SLC16A2: variants seen among roughly 807,000 people sequenced by gnomAD.
SLC16A2 encodes solute carrier family 16 member 2.
SLC16A2 carries 3 observed loss-of-function variants against 27.2 expected under a neutral mutation model. That is an observed-to-expected ratio of 0.11 (90% CI 0.05 to 0.28). SLC16A2 has a LOEUF of 0.28. Among genes scored for constraint, SLC16A2 ranks in the 10% least tolerant of loss-of-function variants. The pLI is 1.00. For synonymous variants in SLC16A2, 202 were observed against 187.8 expected (o/e 1.08, Z -0.62); for missense variants, 295 against 458.5 (o/e 0.64, Z 3.26).
At chrX:74,511,856 G>T (rs1464791070) in intron 1 of SLC16A2, among the ~76,000 whole-genome samples, 1 of 111,592 alleles carries the variant, frequency 9.0e-6, no homozygotes, top group Non-Finnish European at 1.9e-5. Flanking sequence ...CTTAACTCTG[G>T]GCCCTGCACA....
At chrX:74,440,544 G>C (rs1269841365) in intron 1 of SLC16A2, among the ~76,000 whole-genome samples, 1 of 35,450 alleles carries the variant, frequency 2.8e-5, no homozygotes, top group Non-Finnish European at 5.4e-5. Context: ...TTTTTTTTTT[G>C]CTGCTGTACA....
intron 1 of SLC16A2, among the ~76,000 whole-genome samples, chrX:74,438,850 T>C (rs1461204305): frequency 2.7e-5 from 3 of 112,146 alleles, no homozygotes; most frequent in Non-Finnish European, 1.9e-5. Context: ...AAATTCAAGC[T>C]GCAGTATGTG....
chrX:74,463,503 G>A (rs1198727993), intron 1 of SLC16A2, among the ~76,000 whole-genome samples: 1 of 111,320 alleles, frequency 9.0e-6, no homozygotes, highest in Non-Finnish European at 1.9e-5. Context: ...ACAATAAACT[G>A]CACATATTTA....
At chrX:74,490,108 G>A (rs754880232) in intron 1 of SLC16A2, among the ~76,000 whole-genome samples, 14 of 109,130 alleles carry the variant, frequency 1.3e-4, no homozygotes, top group African/African-American at 4.7e-4. Flanking sequence ...AGTAGTGGTT[G>A]TTATCTCAGT....
At chrX:74,512,523 C>T (rs900442880) in intron 1 of SLC16A2, among the ~76,000 whole-genome samples, 8 of 112,061 alleles carry the variant, frequency 7.1e-5, no homozygotes, top group South Asian at 3.8e-4. Context: ...ACCGTCATTC[C>T]CTCATTTGAG....
chrX:74,423,605 G>C (rs1461789009), intron 1 of SLC16A2, among the ~76,000 whole-genome samples: 1 of 111,856 alleles, frequency 8.9e-6, no homozygotes, highest in East Asian at 2.8e-4. Flanking sequence ...TGACTACCCA[G>C]GCCCACTGTG....
chrX:74,438,918 C>T (rs192657704), intron 1 of SLC16A2, among the ~76,000 whole-genome samples: 3 of 111,913 alleles, frequency 2.7e-5, no homozygotes, highest in East Asian at 2.8e-4. Flanking sequence ...AATAGCACTA[C>T]GACTCTAGCC....
intron 1 of SLC16A2, among the ~76,000 whole-genome samples, chrX:74,515,869 G>C (rs1294663908): frequency 9.0e-6 from 1 of 111,602 alleles, no homozygotes; most frequent in Non-Finnish European, 1.9e-5. Flanking sequence ...GGAAAACTAA[G>C]AGAATTTGTC....
chrX:74,426,260 G>A (rs1296015584), intron 1 of SLC16A2, among the ~76,000 whole-genome samples: 2 of 112,097 alleles, frequency 1.8e-5, no homozygotes, highest in Middle Eastern at 4.2e-3. Flanking sequence ...TTGGCTTAGC[G>A]CCTGCTGTGG....
intron 1 of SLC16A2, among the ~76,000 whole-genome samples, chrX:74,425,834 G>C (rs184756590): frequency 8.9e-5 from 10 of 111,938 alleles, no homozygotes; most frequent in Admixed American, 6.6e-4. Context: ...AATATGGAAG[G>C]CATTTTTGTT....
At chrX:74,475,238 G>A (rs1929447188) in intron 1 of SLC16A2, among the ~76,000 whole-genome samples, 1 of 110,197 alleles carries the variant, frequency 9.1e-6, no homozygotes. Flanking sequence ...CAGTGATGAT[G>A]AGCATTTTTT....
At chrX:74,441,229 T>C (rs1011806159) in intron 1 of SLC16A2, among the ~76,000 whole-genome samples, 1 of 111,472 alleles carries the variant, frequency 9.0e-6, no homozygotes, top group Non-Finnish European at 1.9e-5. Flanking sequence ...AGCTAATTTT[T>C]GTATTTTTAG....
At chrX:74,459,058 A>G (rs1241358434) in intron 1 of SLC16A2, among the ~76,000 whole-genome samples, 1 of 104,839 alleles carries the variant, frequency 9.5e-6, no homozygotes, top group Non-Finnish European at 1.9e-5. Flanking sequence ...TTGTGAAAGA[A>G]TAACTTATTC....
chrX:74,469,358 T>C (rs1929309277), intron 1 of SLC16A2, among the ~76,000 whole-genome samples: 1 of 111,823 alleles, frequency 8.9e-6, no homozygotes, highest in African/African-American at 3.2e-5. Flanking sequence ...GAATGCTGGA[T>C]CATATGGTGG....
chrX:74,497,616 G>A (rs1929959613), intron 1 of SLC16A2, among the ~76,000 whole-genome samples: 1 of 109,476 alleles, frequency 9.1e-6, no homozygotes. Context: ...TTTGCTGGCT[G>A]TGGGGATGTG....
chrX:74,422,165 C>T, intron 1 of SLC16A2, 98 bp downstream of exon 1: 1 of 844,791 alleles, frequency 1.2e-6, no homozygotes, highest in Non-Finnish European at 1.7e-6. Flanking sequence ...GCCCCTCCAA[C>T]GCGCCTCTCC....
chrX:74,462,061 T>C (rs1929158389), intron 1 of SLC16A2, among the ~76,000 whole-genome samples: 1 of 111,778 alleles, frequency 8.9e-6, no homozygotes, highest in African/African-American at 3.3e-5. Flanking sequence ...TCTTCCTGCC[T>C]CCTCTTCCCT....
chrX:74,524,680 G>C lies in SLC16A2; in HGVS notation c.897G>C (p.Leu299=). The C allele has an allele frequency of 8.3e-7, 1 of 1,211,784 alleles. No homozygotes were observed. Among genetic ancestry groups the C allele is most frequent in the East Asian group, 3.0e-5 (1 of 33,839 alleles). ...DTPSKRGVRT[L]HQRFLAQLRK... is the part of the protein sequence containing the mutation. ...CAAGCAAGAGAGGTGTCCGCACCCTGCACCAGCGCTTTCTGGCTCAGCTCA... is the reference window on the plus strand; with the variant it reads ...CAAGCAAGAGAGGTGTCCGCACCCTCCACCAGCGCTTTCTGGCTCAGCTCA... The change falls in exon 3 of 6, where the codon CTG becomes CTC. Residue 299 remains leucine, a synonymous_variant. Coordinates refer to ENST00000587091, the MANE Select transcript of SLC16A2 (RefSeq NM_006517.5).
intron 1 of SLC16A2, among the ~76,000 whole-genome samples, chrX:74,503,000 C>G (rs1380095357): frequency 9.1e-6 from 1 of 109,750 alleles, no homozygotes; most frequent in Non-Finnish European, 1.9e-5. Context: ...AGGCCAAAAT[C>G]CTGGCAGGTT....
Sources: allele counts gnomAD v4.1 joint callset (sites outside exome capture counted in the v4.1 genomes callset), GRCh38; gene constraint gnomAD v4.1.1; transcripts MANE v1.5; gene names NCBI Gene and HGNC (gene_info 2026-07-23, HGNC 2026-07-21).